Variants in OSBPL10 observed in about 807,000 individuals in gnomAD.
OSBPL10 encodes oxysterol binding protein like 10.
Under a neutral mutation model 81.7 loss-of-function variants are expected in OSBPL10, and 49 were observed. That is an observed-to-expected ratio of 0.60 (90% CI 0.48 to 0.76). The LOEUF is 0.76. OSBPL10 is among the 30% of genes least tolerant of loss of function. The pLI is 0.00. For missense variants in OSBPL10, 923 were observed against 987.8 expected (o/e 0.93, Z 0.88); for synonymous variants, 419 against 383.6 (o/e 1.09, Z -1.08).
At chr3:31,882,161 A>G (rs1024525559) in intron 1 of OSBPL10, among the ~76,000 whole-genome samples, 2 of 152,240 alleles carry the variant, frequency 1.3e-5, no homozygotes, top group African/African-American at 4.8e-5. Context: ...TCATTAGCAC[A>G]TGACTGCCCG....
chr3:31,824,698 A>G (rs1195385203), intron 4 of OSBPL10, among the ~76,000 whole-genome samples: 1 of 152,086 alleles, frequency 6.6e-6, no homozygotes, highest in East Asian at 1.9e-4. Context: ...AAGCCTTCAC[A>G]TCATTCATCA....
chr3:31,846,533 G>A, intron 3 of OSBPL10, among the ~76,000 whole-genome samples: 1 of 152,104 alleles, frequency 6.6e-6, no homozygotes, highest in East Asian at 1.9e-4. Context: ...GGCTGAGGCT[G>A]AGGCTGAGGA....
intron 1 of OSBPL10, among the ~76,000 whole-genome samples, chr3:31,946,403 C>CAA (rs11129472): frequency 2.2e-4 from 31 of 143,370 alleles, no homozygotes; most frequent in Middle Eastern, 3.6e-3. Flanking sequence ...TGTTTTTTAT[C>CAA]AAAAAAAAAA....
chr3:31,938,838 C>A (rs536925729), intron 1 of OSBPL10, among the ~76,000 whole-genome samples: 1 of 152,240 alleles, frequency 6.6e-6, no homozygotes, highest in South Asian at 2.1e-4. Context: ...GCCTCAGGGT[C>A]CACCATCAAC....
intron 6 of OSBPL10, among the ~76,000 whole-genome samples, chr3:31,732,312 C>G (rs1379127173): frequency 6.6e-6 from 1 of 152,188 alleles, no homozygotes; most frequent in Admixed American, 6.5e-5. Flanking sequence ...TACTACATCA[C>G]TGTCCGAGAA....
At chr3:31,883,243 CTT>C (rs34333418) in intron 1 of OSBPL10, among the ~76,000 whole-genome samples, 191 of 144,538 alleles carry the variant, frequency 1.3e-3, no homozygotes, top group Admixed American at 1.7e-3. Flanking sequence ...GCATGCCACT[CTT>C]TTTTTTTTTT....
At chr3:31,708,529 C>T (rs1052843205) in intron 6 of OSBPL10, among the ~76,000 whole-genome samples, 6 of 152,174 alleles carry the variant, frequency 3.9e-5, no homozygotes, top group East Asian at 1.9e-4. Context: ...TATATAAAGA[C>T]GGCCAGCAAT....
At chr3:31,765,666 ACAGC>A (rs1197767051) in intron 4 of OSBPL10, among the ~76,000 whole-genome samples, 8 of 152,206 alleles carry the variant, frequency 5.3e-5, no homozygotes, top group Non-Finnish European at 8.8e-5. Context: ...AATCTAAGTG[ACAGC>A]CAGTGGGACT....
Position 31,683,843 on chromosome 3 carries a change from C to A in OSBPL10, c.1517G>T (p.Arg506Leu). The A allele has an allele frequency of 6.2e-7, 1 of 1,614,204 alleles. No homozygotes were observed. The highest frequency in any genetic ancestry group is 8.5e-7 in the Non-Finnish European group (1 of 1,180,030). Residue 506 changes from arginine (R) to leucine (L), a missense_variant, in exon 8 of 12, where the codon CGC (arginine) becomes CTC (leucine). This residue lies in a region of OSBPL10 where 387 missense variants were observed against 436.3 expected (regional missense o/e 0.89). Coordinates refer to ENST00000396556, the MANE Select transcript of OSBPL10 (RefSeq NM_017784.5). ...DRVKPKRTAS[R>L]SPASCHEHPM... ...GTGTTCGTGACAGCTGGCAGGAGAG[C>A]GGGAAGCAGTCCTCTTAGGCTTGAC...
At chr3:31,966,813 C>G (rs560392572) in intron 1 of OSBPL10, among the ~76,000 whole-genome samples, 1 of 152,126 alleles carries the variant, frequency 6.6e-6, no homozygotes. Context: ...TTACTAAACA[C>G]GATATCTGGA....
chr3:31,979,801 C>A (rs1698779967), intron 1 of OSBPL10, among the ~76,000 whole-genome samples: 1 of 151,964 alleles, frequency 6.6e-6, no homozygotes, highest in Non-Finnish European at 1.5e-5. Context: ...TACCACCATT[C>A]CAAGTGCCTC....
At chr3:31,722,195 CTTG>C (rs1441810608) in intron 6 of OSBPL10, among the ~76,000 whole-genome samples, 1 of 152,164 alleles carries the variant, frequency 6.6e-6, no homozygotes, top group Admixed American at 6.5e-5. Flanking sequence ...AACAGAATCT[CTTG>C]TTTTCATTAT....
chr3:31,685,449 C>T (rs1700767271), intron 7 of OSBPL10, among the ~76,000 whole-genome samples: 1 of 152,174 alleles, frequency 6.6e-6, no homozygotes, highest in African/African-American at 2.4e-5. Context: ...GCAATCCACC[C>T]GTCTTGGCCT....
chr3:31,955,978 C>T (rs2125453363), intron 1 of OSBPL10, among the ~76,000 whole-genome samples: 1 of 152,282 alleles, frequency 6.6e-6, no homozygotes, highest in Non-Finnish European at 1.5e-5. Context: ...GTGTCACCAG[C>T]CCTAAGGCAG....
chr3:31,743,876 G>A (rs1697435638), intron 5 of OSBPL10, among the ~76,000 whole-genome samples: 1 of 152,186 alleles, frequency 6.6e-6, no homozygotes, highest in South Asian at 2.1e-4. Flanking sequence ...ATCAATGTGT[G>A]TCAGGCAGCT....
chr3:31,945,037 G>C (rs1697658342), intron 1 of OSBPL10, among the ~76,000 whole-genome samples: 1 of 150,300 alleles, frequency 6.7e-6, no homozygotes, highest in South Asian at 2.1e-4. Context: ...TGTAGTCCCA[G>C]CTACTCGGGA....
At chr3:31,868,653 A>G (rs1165632072) in intron 3 of OSBPL10, among the ~76,000 whole-genome samples, 1 of 152,222 alleles carries the variant, frequency 6.6e-6, no homozygotes, top group Admixed American at 6.5e-5. Context: ...AAAAAAATCC[A>G]AAAACTATTG....
At chr3:31,870,959 T>A (rs1474381421) in intron 3 of OSBPL10, among the ~76,000 whole-genome samples, 1 of 152,096 alleles carries the variant, frequency 6.6e-6, no homozygotes, top group Non-Finnish European at 1.5e-5. Flanking sequence ...ACTAATCTGA[T>A]GGGGAGGTGG....
At chr3:31,927,109 TCAA>T (rs761005114) in intron 1 of OSBPL10, among the ~76,000 whole-genome samples, 13 of 152,024 alleles carry the variant, frequency 8.6e-5, no homozygotes, top group South Asian at 4.2e-4. Flanking sequence ...AGACTCCATC[TCAA>T]CAACAACAAC....
Sources: allele counts gnomAD v4.1 joint callset (sites outside exome capture counted in the v4.1 genomes callset), GRCh38; gene constraint gnomAD v4.1.1; regional missense constraint gnomAD v4.1.1; transcripts MANE v1.5; gene names NCBI Gene and HGNC (gene_info 2026-07-23, HGNC 2026-07-21).